AXIN1: variants seen among roughly 807,000 people sequenced by gnomAD.
The protein encoded by AXIN1 is axin 1.
In AXIN1, 30 loss-of-function variants were observed where a neutral mutation model predicts 76.4. The observed-to-expected ratio is 0.39, with a 90% CI of 0.29 to 0.53. AXIN1 has a LOEUF of 0.53. AXIN1 is among the 20% of genes least tolerant of loss of function. The probability of loss-of-function intolerance (pLI) is 0.66; values close to 1 mark genes in which losing one functional copy is unlikely to be tolerated. For synonymous variants in AXIN1, 545 were observed against 501.4 expected (o/e 1.09, Z -1.16); for missense variants, 1,140 against 1,198.8 (o/e 0.95, Z 0.72).
intron 2 of AXIN1, among the ~76,000 whole-genome samples, chr16:321,814 A>G (rs1288991767): frequency 1.3e-5 from 2 of 152,156 alleles, no homozygotes; most frequent in African/African-American, 4.8e-5. Flanking sequence ...TATGAGGTGG[A>G]AAGTGGATTC....
intron 2 of AXIN1, among the ~76,000 whole-genome samples, chr16:340,699 G>A (rs1486769364): frequency 1.3e-5 from 2 of 152,264 alleles, no homozygotes; most frequent in Non-Finnish European, 2.9e-5. Context: ...TTCCCACAGA[G>A]GCAGAGCGGG....
At chr16:309,847 C>G (rs550647671) in intron 4 of AXIN1, 126 bp downstream of exon 4, 1 of 889,796 alleles carries the variant, frequency 1.1e-6, no homozygotes, top group Non-Finnish European at 1.8e-6. Context: ...TGGGATCACA[C>G]GCTTACGCCT....
intron 4 of AXIN1, among the ~76,000 whole-genome samples, chr16:307,341 G>A (rs988885837): frequency 1.3e-5 from 2 of 152,196 alleles, no homozygotes; most frequent in African/African-American, 2.4e-5. Flanking sequence ...CAGATTTACA[G>A]AGAATGGCAA....
At chr16:338,232 G>A (rs574225216) in intron 2 of AXIN1, among the ~76,000 whole-genome samples, 9 of 152,334 alleles carry the variant, frequency 5.9e-5, no homozygotes, top group East Asian at 1.9e-4. Context: ...TGACACTGGC[G>A]CAAAATGTGA....
At chr16:290,516 CGAT>C (rs1567257858) in intron 9 of AXIN1, 2 of 160,816 alleles carry the variant, frequency 1.2e-5, no homozygotes, top group African/African-American at 4.8e-5. Context: ...ACCGCCTACA[CGAT>C]GAGGGCCACA....
intron 5 of AXIN1, among the ~76,000 whole-genome samples, chr16:301,345 T>C (rs2052867661): frequency 6.7e-6 from 1 of 149,356 alleles, no homozygotes; most frequent in Non-Finnish European, 1.5e-5. Flanking sequence ...CCACCACTCC[T>C]GGGCCCTGGT....
rs1356320548 is a variant in AXIN1 at position 287,583 on chromosome 16, TCAGAAAG to T, written c.*532_*538del. The T allele has an allele frequency of 3.3e-6, 1 of 304,070 alleles. No individual in the cohort carries two copies. Among genetic ancestry groups the T allele is most frequent in the Non-Finnish European group, 6.2e-6 (1 of 162,366 alleles). 18.8% of individuals were successfully genotyped at this position (304,070 alleles called of 1,614,324 possible). On this transcript the variant is annotated 3_prime_UTR_variant, in exon 11 of 11. Transcript: ENST00000262320. Reference sequence around the variant, plus strand: ...GAAATGTACATATTTACACGGGCCCTCAGAAAGGAGGACCCAGGACTGCACAGCCGGC... The same window carrying T: ...GAAATGTACATATTTACACGGGCCCTGAGGACCCAGGACTGCACAGCCGGC...
At chr16:294,755 C>CATAA (rs2052662598) in intron 7 of AXIN1, among the ~76,000 whole-genome samples, 1 of 24,742 alleles carries the variant, frequency 4.0e-5, no homozygotes, top group African/African-American at 1.7e-4. Context: ...AACCCCATCT[C>CATAA]AAAAAAAAAA....
At chr16:290,692 G>C in intron 9 of AXIN1, 2 of 271,110 alleles carry the variant, frequency 7.4e-6, no homozygotes, top group South Asian at 3.9e-5. Flanking sequence ...CACGGGTTCA[G>C]AGCAGTCAGC....
Position 297,985 on chromosome 16 carries a change from C to T in AXIN1, c.1521G>A (p.Gly507=), listed in dbSNP as rs1292217760. Reference sequence around the variant, plus strand: ...GCTTCCCGTGCCCCGAGGCGGCACCCCCCAGTGCCACTGGCATCTTGGCCA... The same window carrying T: ...GCTTCCCGTGCCCCGAGGCGGCACCTCCCAGTGCCACTGGCATCTTGGCCA... The part of the protein sequence containing the change: ...GHVAKMPVAL[G]GAASGHGKHV... The change falls in exon 6 of 11, where the codon GGG becomes GGA. Residue 507 remains glycine (G), a synonymous_variant. Coordinates refer to ENST00000262320, the MANE Select transcript of AXIN1 (RefSeq NM_003502.4). The T allele has an allele frequency of 6.2e-7, 1 of 1,601,680 alleles. No homozygotes were observed. Among genetic ancestry groups the T allele is most frequent in the East Asian group, 2.2e-5 (1 of 44,774 alleles).
chr16:326,098 T>C (rs1172984428), intron 2 of AXIN1, among the ~76,000 whole-genome samples: 3 of 152,056 alleles, frequency 2.0e-5, no homozygotes, highest in African/African-American at 7.2e-5. Flanking sequence ...CTCATGCCTG[T>C]AATCCCAGCA....
intron 2 of AXIN1, among the ~76,000 whole-genome samples, chr16:316,328 C>T (rs886289425): frequency 2.6e-5 from 4 of 152,194 alleles, no homozygotes; most frequent in African/African-American, 9.7e-5. Context: ...CAGCTGTTAG[C>T]ATTAAATACC....
At chr16:315,499 G>C (rs1393573983) in intron 2 of AXIN1, among the ~76,000 whole-genome samples, 1 of 152,110 alleles carries the variant, frequency 6.6e-6, no homozygotes, top group Admixed American at 6.5e-5. Flanking sequence ...ACATTGCTCA[G>C]GTTGATTTTG....
intron 2 of AXIN1, among the ~76,000 whole-genome samples, chr16:324,336 G>C (rs909264413): frequency 3.3e-5 from 5 of 152,246 alleles, no homozygotes; most frequent in Non-Finnish European, 7.3e-5. Context: ...CCTGGGAGGA[G>C]GCTGGGGGCC....
chr16:311,037 AT>A, intron 3 of AXIN1, among the ~76,000 whole-genome samples: 1 of 151,756 alleles, frequency 6.6e-6, no homozygotes, highest in Admixed American at 6.6e-5. Flanking sequence ...GTTTTCTTTT[AT>A]TTTTTTCTTT....
intron 2 of AXIN1, among the ~76,000 whole-genome samples, chr16:342,236 G>A (rs947693399): frequency 3.9e-5 from 6 of 152,090 alleles, no homozygotes; most frequent in Admixed American, 2.0e-4. Flanking sequence ...GTGAGACCAC[G>A]AACCCACCAG....
rs183442396 is a variant in AXIN1 at position 345,793 on chromosome 16, G to A, written c.878+355C>T. Reference sequence around the variant, plus strand: ...ACGTCCACTCCTCCCTTTATTAAGCGGAAAGGACCATGTCTACTGGGTAGA... The same window carrying A: ...ACGTCCACTCCTCCCTTTATTAAGCAGAAAGGACCATGTCTACTGGGTAGA... On this transcript the variant is annotated intron_variant, in intron 2 of 10. Coordinates refer to ENST00000262320, the MANE Select transcript of AXIN1 (RefSeq NM_003502.4). Among the ~76,000 whole-genome samples, 189 of 152,050 alleles carry A rather than the reference G, an allele frequency of 1.2e-3. 2 individuals carry two copies. The highest frequency in any genetic ancestry group is 0.011 in the East Asian group (59 of 5,170).
intron 5 of AXIN1, among the ~76,000 whole-genome samples, chr16:302,463 C>G (rs2052898566): frequency 6.6e-6 from 1 of 152,266 alleles, no homozygotes; most frequent in Non-Finnish European, 1.5e-5. Context: ...CAAACCCCTT[C>G]ATGGGGAGCT....
At chr16:316,953 A>G (rs1322790113) in intron 2 of AXIN1, among the ~76,000 whole-genome samples, 1 of 152,190 alleles carries the variant, frequency 6.6e-6, no homozygotes, top group Non-Finnish European at 1.5e-5. Context: ...CAGTGACACA[A>G]GATAACCAAG....
Sources: allele counts gnomAD v4.1 joint callset (sites outside exome capture counted in the v4.1 genomes callset), GRCh38; gene constraint gnomAD v4.1.1; transcripts MANE v1.5; gene names NCBI Gene and HGNC (gene_info 2026-07-23, HGNC 2026-07-21).